Variants in NOVA1 observed in about 807,000 individuals in gnomAD.
NOVA1 encodes NOVA alternative splicing regulator 1.
A neutral mutation model predicts 38.0 loss-of-function variants in NOVA1; 7 were observed. That is an observed-to-expected ratio of 0.18 (90% CI 0.10 to 0.35). The LOEUF is 0.35. Ranked by LOEUF, NOVA1 falls within the 10% of genes least tolerant of loss-of-function variation. The pLI, the probability that NOVA1 is intolerant of heterozygous loss-of-function variation, is 1.00. For missense variants in NOVA1, 460 were observed against 616.0 expected (o/e 0.75, Z 2.68); for synonymous variants, 270 against 232.5 (o/e 1.16, Z -1.47).
At position 26,443,428 on chromosome 14, in the gene NOVA1, T is replaced by A. The variant is rs1325122077; in HGVS notation, c.*4531A>T. 6.6e-6 allele frequency: 1 copy of A among 152,020 alleles called. No homozygotes were observed. Among genetic ancestry groups the A allele is most frequent in the Admixed American group, 6.6e-5 (1 of 15,258 alleles). 9.4% of individuals were successfully genotyped at this position (152,020 alleles called of 1,614,324 possible). On this transcript the variant is annotated 3_prime_UTR_variant, in exon 5 of 5. Transcript: ENST00000539517. Reference sequence around the variant, plus strand: ...TGATGTACTTTATTATACAAGGTAATGCTTCAATTTTCAAGAACAGTTTTT... The same window carrying A: ...TGATGTACTTTATTATACAAGGTAAAGCTTCAATTTTCAAGAACAGTTTTT...
At chr14:26,478,908 T>C (rs1025394890) in intron 3 of NOVA1, 1 of 151,882 alleles carries the variant, frequency 6.6e-6, no homozygotes. Context: ...TAGTCTATAA[T>C]TTGAAAATAT....
At chr14:26,589,332 C>T (rs1893706744) in intron 2 of NOVA1, among the ~76,000 whole-genome samples, 1 of 151,698 alleles carries the variant, frequency 6.6e-6, no homozygotes, top group African/African-American at 2.4e-5. Flanking sequence ...CAGACGCATA[C>T]TCAAAGTCAA....
chr14:26,518,723 G>T (rs1020592806), intron 2 of NOVA1, among the ~76,000 whole-genome samples: 3 of 151,938 alleles, frequency 2.0e-5, no homozygotes, highest in African/African-American at 7.2e-5. Flanking sequence ...ACCCTATTCT[G>T]CAATAGAACA....
At chr14:26,539,144 C>A (rs889457457) in intron 2 of NOVA1, among the ~76,000 whole-genome samples, 3 of 152,108 alleles carry the variant, frequency 2.0e-5, no homozygotes, top group African/African-American at 7.2e-5. Context: ...TCTTCTTTTA[C>A]AAGAATACAA....
intron 2 of NOVA1, among the ~76,000 whole-genome samples, chr14:26,495,374 T>C (rs1452284378): frequency 2.6e-5 from 4 of 152,256 alleles, no homozygotes; most frequent in South Asian, 2.1e-4. Context: ...GAACAGGAAC[T>C]TGGACTGTTT....
intron 4 of NOVA1, among the ~76,000 whole-genome samples, chr14:26,470,939 T>C (rs1284662252): frequency 6.6e-6 from 1 of 152,080 alleles, no homozygotes; most frequent in Non-Finnish European, 1.5e-5. Context: ...TTTTATACCA[T>C]ATAATTAAAA....
intron 2 of NOVA1, among the ~76,000 whole-genome samples, chr14:26,494,352 T>C (rs1266043786): frequency 6.6e-6 from 1 of 152,148 alleles, no homozygotes; most frequent in East Asian, 1.9e-4. Flanking sequence ...GGGCATGAAA[T>C]TTTGGCTATT....
chr14:26,588,261 T>C (rs948582244), intron 2 of NOVA1: 3 of 150,712 alleles, frequency 2.0e-5, no homozygotes, highest in Admixed American at 6.6e-5. Flanking sequence ...ATTAGAAATA[T>C]ATTGAACATC....
At chr14:26,518,170 G>A (rs1300512976) in intron 2 of NOVA1, among the ~76,000 whole-genome samples, 1 of 151,916 alleles carries the variant, frequency 6.6e-6, no homozygotes, top group Non-Finnish European at 1.5e-5. Context: ...AAATGTCCCT[G>A]TTCAAGATGA....
intron 2 of NOVA1, among the ~76,000 whole-genome samples, chr14:26,482,692 T>A (rs1885564038): frequency 1.3e-5 from 2 of 152,108 alleles, no homozygotes; most frequent in Non-Finnish European, 2.9e-5. Context: ...GTATATAAGA[T>A]ACCATTAATT....
chr14:26,450,787 T>C (rs973651962), intron 4 of NOVA1, among the ~76,000 whole-genome samples: 1 of 152,146 alleles, frequency 6.6e-6, no homozygotes, highest in Non-Finnish European at 1.5e-5. Flanking sequence ...CCCATACACA[T>C]GAAATACTGA....
At chr14:26,595,380 A>G (rs1477721010) in intron 2 of NOVA1, 30 bp downstream of exon 2, 1 of 1,602,714 alleles carries the variant, frequency 6.2e-7, no homozygotes, top group East Asian at 2.2e-5. Flanking sequence ...TGGGGAGCTC[A>G]TCAAACAATC....
intron 4 of NOVA1, among the ~76,000 whole-genome samples, chr14:26,449,438 G>C (rs1459357450): frequency 6.6e-6 from 1 of 152,050 alleles, no homozygotes; most frequent in Admixed American, 6.5e-5. Flanking sequence ...GTTCAAGCCT[G>C]AGTCCCTTCA....
chr14:26,494,666 A>G (rs1374275922), intron 2 of NOVA1, among the ~76,000 whole-genome samples: 1 of 152,166 alleles, frequency 6.6e-6, no homozygotes, highest in East Asian at 1.9e-4. Flanking sequence ...TCTTCCCAGG[A>G]TGATGTTCAT....
chr14:26,517,270 C>A (rs981108921), intron 2 of NOVA1, among the ~76,000 whole-genome samples: 1 of 152,120 alleles, frequency 6.6e-6, no homozygotes, highest in Non-Finnish European at 1.5e-5. Context: ...TCTTGAAGTA[C>A]CTGGCTCTTT....
intron 2 of NOVA1, among the ~76,000 whole-genome samples, chr14:26,506,019 TTG>T (rs1020967171): frequency 2.6e-5 from 4 of 152,102 alleles, no homozygotes; most frequent in African/African-American, 9.7e-5. Context: ...TAAAAACCAG[TTG>T]TACATAAAAA....
chr14:26,566,151 A>G (rs1041803845), intron 2 of NOVA1, among the ~76,000 whole-genome samples: 3 of 152,186 alleles, frequency 2.0e-5, no homozygotes, highest in Non-Finnish European at 4.4e-5. Context: ...TTAGAAATGC[A>G]ATGACAAAAG....
rs765117714 is a variant in NOVA1 at position 26,472,294 on chromosome 14, G to T, written c.519+26C>A. 11 of 1,405,908 alleles carry T rather than the reference G, an allele frequency of 7.8e-6. No individual in the cohort carries two copies. In the South Asian group the frequency reaches 1.3e-4, roughly 16 times the overall value. The allele number at this position is 1,405,908 out of a possible 1,614,324, so 87.1% of individuals were successfully genotyped here. On this transcript the variant is annotated intron_variant, in intron 4 of 4. Transcript: ENST00000539517. Reference sequence around the variant, plus strand: ...CAGGCAATCACCCGTGAAAAGTATGGTGTAGATGACAGGATGATACTGTAC... The same window carrying T: ...CAGGCAATCACCCGTGAAAAGTATGTTGTAGATGACAGGATGATACTGTAC...
At chr14:26,533,752 T>C (rs149355906) in intron 2 of NOVA1, among the ~76,000 whole-genome samples, 241 of 152,308 alleles carry the variant, frequency 1.6e-3, no homozygotes, top group African/African-American at 5.4e-3. Flanking sequence ...TTAAGAATCC[T>C]AGGAAATTCT....
Sources: gnomAD v4.1 joint callset for allele counts (sites outside exome capture counted in the v4.1 genomes callset) on GRCh38, gnomAD v4.1.1 for gene constraint, MANE v1.5 for transcripts, NCBI Gene and HGNC (gene_info 2026-07-23, HGNC 2026-07-21) for gene names.